CDH13: variants seen among roughly 807,000 people sequenced by gnomAD.
The protein encoded by CDH13 is cadherin-13.
A neutral mutation model predicts 63.8 loss-of-function variants in CDH13; 24 were observed. The ratio of observed to expected loss-of-function variants is 0.38; its 90% CI spans 0.27 to 0.53. CDH13 has a LOEUF of 0.53. Ranked by LOEUF, CDH13 falls within the 20% of genes least tolerant of loss-of-function variation. The pLI is 0.85. For missense variants in CDH13, 1,049 were observed against 903.1 expected (o/e 1.16, Z -2.07); for synonymous variants, 503 against 355.3 (o/e 1.42, Z -4.67).
intron 3 of CDH13, among the ~76,000 whole-genome samples, chr16:83,064,844 A>G (rs985299681): frequency 6.6e-6 from 1 of 152,182 alleles, no homozygotes; most frequent in Non-Finnish European, 1.5e-5. Context: ...TCAGTTACCT[A>G]TCCTTTTTTT....
chr16:83,415,701 G>T (rs181213536), intron 6 of CDH13, among the ~76,000 whole-genome samples: 5 of 152,064 alleles, frequency 3.3e-5, no homozygotes, highest in African/African-American at 9.7e-5. Flanking sequence ...ACAAAATTCA[G>T]TGCCCTTTCA....
intron 11 of CDH13, among the ~76,000 whole-genome samples, chr16:83,761,307 G>A (rs1181886674): frequency 6.6e-6 from 1 of 152,296 alleles, no homozygotes; most frequent in East Asian, 1.9e-4. Context: ...GATGACTTGA[G>A]GAGGAAAAGA....
At chr16:83,081,155 A>G (rs915360435) in intron 3 of CDH13, among the ~76,000 whole-genome samples, 2 of 152,014 alleles carry the variant, frequency 1.3e-5, no homozygotes, top group African/African-American at 4.8e-5. Context: ...TGCTGGGATT[A>G]TAAGCATGAG....
intron 2 of CDH13, among the ~76,000 whole-genome samples, chr16:82,983,088 C>A (rs561619189): frequency 6.6e-6 from 1 of 152,108 alleles, no homozygotes; most frequent in Non-Finnish European, 1.5e-5. Context: ...TATTATCTTT[C>A]CTCACCAAAG....
intron 6 of CDH13, among the ~76,000 whole-genome samples, chr16:83,395,730 C>T (rs965391515): frequency 3.3e-5 from 5 of 152,138 alleles, no homozygotes; most frequent in Admixed American, 6.5e-5. Context: ...AAACTGAAGG[C>T]GGCTGAAACC....
intron 4 of CDH13, among the ~76,000 whole-genome samples, chr16:83,203,686 T>TAAAAATA (rs916859183): frequency 4.0e-5 from 6 of 148,460 alleles, no homozygotes; most frequent in African/African-American, 1.5e-4. Flanking sequence ...AAAAAAGATT[T>TAAAAATA]AAAAATAAAA....
At chr16:82,860,933 A>T (rs1187463963) in intron 2 of CDH13, among the ~76,000 whole-genome samples, 1 of 152,136 alleles carries the variant, frequency 6.6e-6, no homozygotes, top group Non-Finnish European at 1.5e-5. Flanking sequence ...CCTCTCTCTC[A>T]TTCTCAGTTT....
chr16:82,792,972 T>C lies in CDH13; in HGVS notation c.46-65390T>C, dbSNP rs1397443572. 2.6e-5 allele frequency among the ~76,000 whole-genome samples: 4 copies of C among 152,234 alleles called. No individual in the cohort carries two copies. In the East Asian group the frequency reaches 5.8e-4, roughly 22 times the overall value. ...GTTATGCGAGGAAATAATTCTTGCT[T>C]GCCCGCCTGGGATGGGGTGACGTTC... On this transcript the variant is annotated intron_variant, in intron 1 of 13. Transcript: ENST00000567109.
intron 2 of CDH13, among the ~76,000 whole-genome samples, chr16:82,867,482 C>T (rs1254659989): frequency 1.3e-5 from 2 of 152,084 alleles, no homozygotes; most frequent in East Asian, 1.9e-4. Flanking sequence ...TGTCCATGAC[C>T]CTTAACTCTC....
At chr16:83,752,135 A>G (rs1300320217) in intron 11 of CDH13, among the ~76,000 whole-genome samples, 4 of 152,258 alleles carry the variant, frequency 2.6e-5, no homozygotes, top group Non-Finnish European at 5.9e-5. Context: ...GTTCTGTAGT[A>G]TGTAGAAGTA....
rs537023836 is a variant in CDH13 at position 83,586,846 on chromosome 16, A to G, written c.961-15608A>G. 5.9e-5 allele frequency among the ~76,000 whole-genome samples: 9 copies of G among 152,318 alleles called. No individual in the cohort carries two copies. The South Asian group carries it at 1.4e-3, about 25-fold the overall frequency. ...CCCTGGTCCACGAATTAGCTTTTGG[A>G]CAACAGCTGTGGTGTAACTGGAATC... On this transcript the variant is annotated intron_variant, in intron 7 of 13. Transcript: ENST00000567109.
intron 1 of CDH13, among the ~76,000 whole-genome samples, chr16:82,641,070 G>A (rs1484489924): frequency 1.3e-5 from 2 of 152,192 alleles, no homozygotes; most frequent in Non-Finnish European, 2.9e-5. Flanking sequence ...CAGTGAATGT[G>A]TCATTGAGGT....
intron 2 of CDH13, among the ~76,000 whole-genome samples, chr16:82,977,266 G>A (rs188147579): frequency 2.0e-5 from 3 of 152,198 alleles, no homozygotes; most frequent in African/African-American, 2.4e-5. Context: ...GATGAGTAAG[G>A]CAGCCAACCC....
intron 5 of CDH13, among the ~76,000 whole-genome samples, chr16:83,332,180 G>C (rs2090495302): frequency 6.6e-6 from 1 of 151,760 alleles, no homozygotes; most frequent in African/African-American, 2.4e-5. Context: ...ACAGTTTTCT[G>C]TTTATTTTCA....
chr16:83,478,000 T>G (rs1322905990), intron 6 of CDH13, among the ~76,000 whole-genome samples: 1 of 151,808 alleles, frequency 6.6e-6, no homozygotes, highest in Non-Finnish European at 1.5e-5. Flanking sequence ...ACTAACATGG[T>G]GAAACCTCAT....
chr16:83,398,395 C>T (rs1392273450), intron 6 of CDH13, among the ~76,000 whole-genome samples: 1 of 152,138 alleles, frequency 6.6e-6, no homozygotes, highest in Admixed American at 6.5e-5. Context: ...TTTTACGTGG[C>T]CTCCTCCTCT....
At chr16:83,090,247 A>G (rs185016704) in intron 3 of CDH13, among the ~76,000 whole-genome samples, 1 of 152,102 alleles carries the variant, frequency 6.6e-6, no homozygotes, top group Admixed American at 6.5e-5. Flanking sequence ...CCTGGTTCAG[A>G]CCATCCCAAT....
chr16:82,705,112 A>G (rs1438859870), intron 1 of CDH13: 1 of 455,922 alleles, frequency 2.2e-6, no homozygotes, highest in East Asian at 7.0e-5. Flanking sequence ...AATTTATCAA[A>G]AATAAAGCCC....
At chr16:82,928,251 C>T (rs1487465145) in intron 2 of CDH13, among the ~76,000 whole-genome samples, 1 of 152,018 alleles carries the variant, frequency 6.6e-6, no homozygotes, top group East Asian at 1.9e-4. Context: ...TCATTGCTGT[C>T]TTCTAATTCA....
Sources: gnomAD v4.1 joint callset for allele counts (sites outside exome capture counted in the v4.1 genomes callset) on GRCh38, gnomAD v4.1.1 for gene constraint, MANE v1.5 for transcripts, NCBI Gene and HGNC (gene_info 2026-07-23, HGNC 2026-07-21) for gene names.